Variants in UBR2 observed in about 807,000 individuals in gnomAD.
UBR2 encodes ubiquitin protein ligase E3 component n-recognin 2, also known as E3 ubiquitin-protein ligase UBR2.
In UBR2, 92 loss-of-function variants were observed where a neutral mutation model predicts 247.9. The ratio of observed to expected loss-of-function variants is 0.37; its 90% CI spans 0.31 to 0.44. The LOEUF (loss-of-function observed/expected upper bound fraction) is 0.44. Ranked by LOEUF, UBR2 falls within the 20% of genes least tolerant of loss-of-function variation. UBR2 has a pLI of 1.00. For missense variants in UBR2, 1,613 were observed against 2,112.6 expected (o/e 0.76, Z 4.64); for synonymous variants, 672 against 693.5 (o/e 0.97, Z 0.49).
chr6:42,615,285 C>T (rs1378004341), intron 9 of UBR2, 107 bp downstream of exon 9: 7 of 796,998 alleles, frequency 8.8e-6, no homozygotes, highest in Admixed American at 3.7e-5. Context: ...ATTTGTGCTT[C>T]TTAAAATTAG....
At chr6:42,566,320 ATT>A (rs147288426) in intron 1 of UBR2, among the ~76,000 whole-genome samples, 2,071 of 152,270 alleles carry the variant, frequency 0.014, 41 homozygotes, top group African/African-American at 0.048. Flanking sequence ...GCAACAAAAA[ATT>A]ATTAATTTGG....
chr6:42,613,620 C>T (rs1448028111), intron 8 of UBR2, among the ~76,000 whole-genome samples: 1 of 151,808 alleles, frequency 6.6e-6, no homozygotes, highest in East Asian at 1.9e-4. Context: ...GTCCTATGTT[C>T]TTTATTTTGG....
chr6:42,612,945 A>G (rs1209452208), intron 8 of UBR2, among the ~76,000 whole-genome samples: 1 of 152,190 alleles, frequency 6.6e-6, no homozygotes, highest in Non-Finnish European at 1.5e-5. Context: ...TACTAAAAAT[A>G]CAAAAATTAG....
chr6:42,646,818 TATAG>T (rs1394443850), intron 21 of UBR2, among the ~76,000 whole-genome samples: 77 of 148,892 alleles, frequency 5.2e-4, no homozygotes, highest in African/African-American at 1.8e-3. Flanking sequence ...TATATATATA[TATAG>T]AGAGAGAGAG....
intron 44 of UBR2, among the ~76,000 whole-genome samples, chr6:42,685,757 AATAAT>A (rs942568027): frequency 2.0e-5 from 3 of 151,966 alleles, no homozygotes; most frequent in Non-Finnish European, 2.9e-5. Flanking sequence ...CAGCATAAAG[AATAAT>A]ATAATAGGGG....
At chr6:42,572,369 G>T (rs1791208780) in intron 1 of UBR2, among the ~76,000 whole-genome samples, 1 of 151,740 alleles carries the variant, frequency 6.6e-6, no homozygotes, top group Admixed American at 6.6e-5. Context: ...GTTGTTTTTA[G>T]AAGGAGTGGT....
At chr6:42,687,073 T>G (rs1271592172) in intron 44 of UBR2, among the ~76,000 whole-genome samples, 1 of 150,448 alleles carries the variant, frequency 6.6e-6, no homozygotes, top group African/African-American at 2.5e-5. Flanking sequence ...CGTCACTTCC[T>G]AGACGGGGTG....
In UBR2 at chr6:42,691,940, A is replaced by T. The variant is rs1462175646; in HGVS notation, c.*767A>T. 1 of 152,140 alleles carries T rather than the reference A, an allele frequency of 6.6e-6. No homozygotes were observed. The highest frequency in any genetic ancestry group is 6.6e-5 in the Admixed American group (1 of 15,266). 9.4% of individuals were successfully genotyped at this position (152,140 alleles called of 1,614,324 possible). On this transcript the variant is annotated 3_prime_UTR_variant, in exon 47 of 47. Transcript: ENST00000372901. ...TATTCTAAAAGAATATGGATTAAAAATTTAGGATATTCTTTTAGATATCCT... is the reference window on the plus strand; with the variant it reads ...TATTCTAAAAGAATATGGATTAAAATTTTAGGATATTCTTTTAGATATCCT...
chr6:42,623,032 G>A (rs1054258443), intron 11 of UBR2, among the ~76,000 whole-genome samples: 3 of 151,932 alleles, frequency 2.0e-5, no homozygotes, highest in Non-Finnish European at 4.4e-5. Flanking sequence ...ATGAATAACA[G>A]CAGTTTTAGT....
intron 7 of UBR2, among the ~76,000 whole-genome samples, chr6:42,609,377 GA>G (rs1432813026): frequency 6.6e-6 from 1 of 151,744 alleles, no homozygotes; most frequent in East Asian, 1.9e-4. Context: ...GTCATTAACA[GA>G]AAAAAAATCA....
In UBR2 at chr6:42,565,879, C is replaced by T. The variant is rs571956819; in HGVS notation, c.78+1482C>T. Among the ~76,000 whole-genome samples the T allele has an allele frequency of 1.7e-4, 26 of 152,064 alleles. No homozygotes were observed. The South Asian group carries it at 5.2e-3, about 30-fold the overall frequency. ...CCTGCCTTGGTGTGTTTTTTTAAAC[C>T]TACTTACTTGTTTAGCCTAGGTCTG... On this transcript the variant is annotated intron_variant, in intron 1 of 46. Transcript: ENST00000372901.
At chr6:42,599,077 A>C (rs557133344) in intron 4 of UBR2, among the ~76,000 whole-genome samples, 1 of 152,220 alleles carries the variant, frequency 6.6e-6, no homozygotes, top group East Asian at 1.9e-4. Flanking sequence ...TGTATTCTTA[A>C]GTTGCTGTAA....
intron 13 of UBR2, 33 bp downstream of exon 13, chr6:42,632,937 T>A (rs1795839023): frequency 4.9e-6 from 3 of 616,798 alleles, no homozygotes; most frequent in Admixed American, 4.5e-5. Context: ...TTCTTTTTCC[T>A]TTTTTTTTTT....
chr6:42,648,925 G>A (rs1796939560), intron 22 of UBR2, among the ~76,000 whole-genome samples: 3 of 151,888 alleles, frequency 2.0e-5, no homozygotes, highest in Admixed American at 6.6e-5. Flanking sequence ...ATGTTTCCAT[G>A]TATTTGTGTC....
At chr6:42,651,798 G>A (rs559295615) in intron 23 of UBR2, among the ~76,000 whole-genome samples, 1 of 152,034 alleles carries the variant, frequency 6.6e-6, no homozygotes, top group South Asian at 2.1e-4. Context: ...GGCCTCTGTT[G>A]TGTTATTTTC....
At chr6:42,601,055 T>A (rs1793326874) in intron 4 of UBR2, among the ~76,000 whole-genome samples, 1 of 152,216 alleles carries the variant, frequency 6.6e-6, no homozygotes, top group African/African-American at 2.4e-5. Context: ...TTGGTTAGGA[T>A]TCTCAAGAAT....
At chr6:42,654,015 G>A (rs949436374) in intron 25 of UBR2, among the ~76,000 whole-genome samples, 3 of 152,108 alleles carry the variant, frequency 2.0e-5, no homozygotes, top group Non-Finnish European at 2.9e-5. Context: ...GCTCAGAGGC[G>A]TTCCCTTAGG....
intron 1 of UBR2, 146 bp downstream of exon 1, chr6:42,564,543 G>GGGA (rs1790665258): frequency 1.2e-6 from 1 of 863,166 alleles, no homozygotes; most frequent in African/African-American, 1.7e-5. Context: ...TAATAGCCCG[G>GGGA]GGAGGCCACC....
At chr6:42,687,689 C>T (rs1190645769) in intron 44 of UBR2, among the ~76,000 whole-genome samples, 1 of 152,070 alleles carries the variant, frequency 6.6e-6, no homozygotes, top group Non-Finnish European at 1.5e-5. Context: ...TACAGGTGCA[C>T]ACCACCATGC....
Sources: allele counts gnomAD v4.1 joint callset (sites outside exome capture counted in the v4.1 genomes callset), GRCh38; gene constraint gnomAD v4.1.1; transcripts MANE v1.5; gene names NCBI Gene and HGNC (gene_info 2026-07-23, HGNC 2026-07-21).